Variants in MADD observed in about 807,000 individuals in gnomAD.
The protein encoded by MADD is MAP kinase-activating death domain protein.
Under a neutral mutation model 176.7 loss-of-function variants are expected in MADD, and 109 were observed. The observed-to-expected ratio is 0.62, with a 90% CI of 0.53 to 0.72. The LOEUF (loss-of-function observed/expected upper bound fraction) is 0.72, where lower values mean the gene tolerates loss of function less well. Among genes scored for constraint, MADD ranks in the 30% least tolerant of loss-of-function variants. The probability of loss-of-function intolerance (pLI) is 0.00; values close to 1 mark genes in which losing one functional copy is unlikely to be tolerated. For synonymous variants in MADD, 771 were observed against 771.3 expected, an observed-to-expected ratio of 1.00 and a Z score of 0.01; for missense variants, 1,914 against 2,045.5, an observed-to-expected ratio of 0.94 and a Z score of 1.24.
chr11:47,289,998 T>C (rs1325442414), exon 17 of MADD: 3 of 1,614,202 alleles, frequency 1.9e-6, no homozygotes. Context: ...CTGAGCAAGC[T>C]GAACCGCATG....
At chr11:47,284,117 T>C in intron 10 of MADD, 61 bp from the exon 11 acceptor site, 1 of 1,070,800 alleles carries the variant, frequency 9.3e-7, no homozygotes, top group Admixed American at 1.7e-5. Context: ...CTGGTGCTGA[T>C]TGTAGGTGTT....
At position 47,292,416 on chromosome 11, in the gene MADD, G is replaced by A. The variant is rs2066104323; in HGVS notation, c.3302-1467G>A. ...CCCTTCTCCCCATGAAGATATCTTT[G>A]TATCTCTTGGTTGGTAATCCAGTGC... On this transcript the variant is annotated intron_variant, in intron 19 of 32. Coordinates refer to ENST00000402192, the Ensembl canonical transcript of MADD. 5 of 789,670 alleles carry A rather than the reference G, an allele frequency of 6.3e-6. No individual in the cohort carries two copies. In the Admixed American group the frequency reaches 9.8e-5, roughly 15 times the overall value. 48.9% of individuals were successfully genotyped at this position (789,670 alleles called of 1,614,324 possible).
chr11:47,284,827 A>G (rs894686160), intron 12 of MADD, 114 bp from the exon 13 acceptor site: 8 of 1,446,484 alleles, frequency 5.5e-6, no homozygotes, highest in Admixed American at 3.8e-5. Flanking sequence ...ATCATTTCCC[A>G]CACATTCCTT....
intron 23 of MADD, 77 bp downstream of exon 25, chr11:47,308,776 T>G (rs1311158606): frequency 1.6e-6 from 2 of 1,240,584 alleles, no homozygotes; most frequent in East Asian, 2.3e-5. Context: ...ACTGAACAAG[T>G]AGCTGGTTGT....
At chr11:47,303,827 C>G (rs1425352596) in intron 22 of MADD, among the ~76,000 whole-genome samples, 1 of 151,596 alleles carries the variant, frequency 6.6e-6, no homozygotes, top group Non-Finnish European at 1.5e-5. Context: ...AGGCTGGTCT[C>G]GAACTCCTGA....
intron 5 of MADD, 137 bp from the exon 6 acceptor site, chr11:47,278,028 A>T: frequency 1.5e-6 from 1 of 657,606 alleles, no homozygotes; most frequent in East Asian, 2.5e-5. Context: ...AAAATTCTGA[A>T]TTTTCAAATA....
At chr11:47,302,666 G>A (rs1372261113) in intron 22 of MADD, among the ~76,000 whole-genome samples, 2 of 151,988 alleles carry the variant, frequency 1.3e-5, no homozygotes, top group Non-Finnish European at 2.9e-5. Flanking sequence ...CTTGTAGGCA[G>A]CATATAGTTA....
At chr11:47,281,088 C>T (rs996826149) in intron 7 of MADD, among the ~76,000 whole-genome samples, 2 of 152,228 alleles carry the variant, frequency 1.3e-5, no homozygotes, top group Non-Finnish European at 2.9e-5. Flanking sequence ...AGCACTGCTG[C>T]TCTCGACCAG....
chr11:47,278,890 T>G, intron 6 of MADD, 109 bp from the exon 7 acceptor site: 1 of 807,302 alleles, frequency 1.2e-6, no homozygotes, highest in Non-Finnish European at 2.0e-6. Context: ...TAATGTATAT[T>G]CGTTTATATA....
In MADD at chr11:47,281,758, G is replaced by A. The variant is rs1251530631; in HGVS notation, c.1469+5G>A. 1 of 1,583,554 alleles carries A rather than the reference G, an allele frequency of 6.3e-7. No homozygotes were observed. The highest frequency in any genetic ancestry group is 8.6e-7 in the Non-Finnish European group (1 of 1,158,710). Reference sequence around the variant, plus strand: ...TTCTGTGGATGTTGCAACCAGGTAAGACCAAGCCGACTGTATAATCACAAG... The same window carrying A: ...TTCTGTGGATGTTGCAACCAGGTAAAACCAAGCCGACTGTATAATCACAAG... On this transcript the variant is annotated splice_donor_5th_base_variant and intron_variant, in intron 8 of 32. Transcript: ENST00000402192.
At chr11:47,291,187 A>G (rs1278839090) in intron 19 of MADD, among the ~76,000 whole-genome samples, 1 of 152,138 alleles carries the variant, frequency 6.6e-6, no homozygotes, top group Admixed American at 6.5e-5. Context: ...TTTGGGCTAT[A>G]AAATTATGAC....
intron 22 of MADD, among the ~76,000 whole-genome samples, chr11:47,303,474 G>T (rs1235226543): frequency 6.6e-6 from 1 of 151,962 alleles, no homozygotes; most frequent in African/African-American, 2.4e-5. Flanking sequence ...TCCTGACCTC[G>T]TGATCTGCCT....
At chr11:47,274,416 G>A (rs1010516138) in intron 2 of MADD, 147 bp from the exon 3 acceptor site, 5 of 704,894 alleles carry the variant, frequency 7.1e-6, no homozygotes, top group African/African-American at 5.3e-5. Context: ...AGCTCCATGC[G>A]GCAGGCAGCA....
chr11:47,327,553 TC>T (rs2095586575), intron 31 of MADD: 2 of 985,244 alleles, frequency 2.0e-6, no homozygotes, highest in Admixed American at 1.2e-4. Context: ...GCTCGTCTCT[TC>T]CTTTCTCCCC....
chr11:47,290,549 CAT>C, intron 18 of MADD, 59 bp from the exon 20 acceptor site: 2 of 1,522,602 alleles, frequency 1.3e-6, no homozygotes, highest in Non-Finnish European at 1.8e-6. Flanking sequence ...CCTCCCACCT[CAT>C]ATCTGCGCCT....
chr11:47,295,050 G>A (rs935140807), intron 20 of MADD, among the ~76,000 whole-genome samples: 3 of 148,912 alleles, frequency 2.0e-5, no homozygotes, highest in South Asian at 2.1e-4. Flanking sequence ...TCATTCTGTC[G>A]CTGCAGCTGG....
intron 25 of MADD, among the ~76,000 whole-genome samples, chr11:47,310,076 A>C (rs2086956971): frequency 6.6e-6 from 1 of 151,278 alleles, no homozygotes; most frequent in African/African-American, 2.4e-5. Flanking sequence ...TCCTGACCTC[A>C]AGTGGTCCAC....
intron 27 of MADD, among the ~76,000 whole-genome samples, chr11:47,318,582 G>A (rs762063835): frequency 2.0e-4 from 31 of 152,134 alleles, no homozygotes; most frequent in Non-Finnish European, 3.1e-4. Flanking sequence ...TCTCACCACC[G>A]TACAAAGGGA....
At chr11:47,280,419 C>T (rs1253834260) in intron 7 of MADD, among the ~76,000 whole-genome samples, 1 of 152,148 alleles carries the variant, frequency 6.6e-6, no homozygotes, top group Non-Finnish European at 1.5e-5. Context: ...TACCTTGTTA[C>T]TGCAGAGTCT....
Sources: allele counts gnomAD v4.1 joint callset (sites outside exome capture counted in the v4.1 genomes callset), GRCh38; gene constraint gnomAD v4.1.1; transcripts MANE v1.5; gene names NCBI Gene and HGNC (gene_info 2026-07-23, HGNC 2026-07-21).